Variants in MAF observed in about 807,000 individuals in gnomAD.
The protein encoded by MAF is transcription factor Maf.
Under a neutral mutation model 22.0 loss-of-function variants are expected in MAF, and 10 were observed. The observed-to-expected ratio is 0.45, with a 90% CI of 0.28 to 0.77. MAF has a LOEUF of 0.77. MAF is among the 30% of genes least tolerant of loss of function. MAF has a pLI of 0.12. For missense variants in MAF, 544 were observed against 548.4 expected (o/e 0.99, Z 0.08); for synonymous variants, 337 against 255.8 (o/e 1.32, Z -3.03).
chr16:79,435,379 T>TCA, the MAF span, among the ~76,000 whole-genome samples: 2 of 152,178 alleles, frequency 1.3e-5, no homozygotes, highest in Non-Finnish European at 2.9e-5. Flanking sequence ...TTCCTGGAAT[T>TCA]CAAGGCCAAA....
the MAF span, among the ~76,000 whole-genome samples, chr16:79,535,313 G>A: frequency 2.6e-5 from 4 of 151,634 alleles, no homozygotes; most frequent in Admixed American, 6.6e-5. Context: ...TTAACATGTA[G>A]CTTCCTTATT....
At chr16:79,364,646 T>C in the MAF span, among the ~76,000 whole-genome samples, 2 of 152,218 alleles carry the variant, frequency 1.3e-5, no homozygotes, top group Non-Finnish European at 2.9e-5. Context: ...AACAGTTTCG[T>C]GGTGTCAGTT....
the MAF span, among the ~76,000 whole-genome samples, chr16:79,361,296 T>G: frequency 6.6e-6 from 1 of 152,146 alleles, no homozygotes; most frequent in Non-Finnish European, 1.5e-5. Flanking sequence ...GAGAGCACTC[T>G]GAGTCCCTCC....
the MAF span, among the ~76,000 whole-genome samples, chr16:79,366,536 G>A: frequency 2.0e-5 from 3 of 152,200 alleles, no homozygotes; most frequent in African/African-American, 7.2e-5. Flanking sequence ...GACACATGAT[G>A]AGATAGTTCC....
the MAF span, among the ~76,000 whole-genome samples, chr16:79,215,474 T>C: frequency 1.2e-3 from 176 of 152,280 alleles, no homozygotes; most frequent in Middle Eastern, 6.8e-3. Context: ...AAAGAAGATA[T>C]TGGCGTATCA....
chr16:79,461,613 T>C, the MAF span, among the ~76,000 whole-genome samples: 1 of 152,146 alleles, frequency 6.6e-6, no homozygotes, highest in Non-Finnish European at 1.5e-5. Context: ...TATCTCCTGG[T>C]GATGTGCCTG....
At chr16:79,438,958 AGATT>A in the MAF span, among the ~76,000 whole-genome samples, 1 of 152,110 alleles carries the variant, frequency 6.6e-6, no homozygotes, top group Non-Finnish European at 1.5e-5. Context: ...AGACATCCTA[AGATT>A]AACAATTACA....
chr16:79,375,414 G>C, the MAF span, among the ~76,000 whole-genome samples: 3 of 152,178 alleles, frequency 2.0e-5, no homozygotes, highest in Non-Finnish European at 4.4e-5. Context: ...TCCCATAAGA[G>C]AGAGCAACTG....
the MAF span, among the ~76,000 whole-genome samples, chr16:79,390,854 AG>A: frequency 6.6e-6 from 1 of 152,188 alleles, no homozygotes; most frequent in Non-Finnish European, 1.5e-5. Flanking sequence ...CTGCTAGGAA[AG>A]GGTTTGCTCA....
the MAF span, among the ~76,000 whole-genome samples, chr16:79,291,047 G>A: frequency 6.1e-4 from 93 of 152,140 alleles, no homozygotes; most frequent in Admixed American, 1.8e-3. Context: ...AGTCAGGTCT[G>A]TGAAGAGACT....
At chr16:79,373,359 CTTTTTTTTTTTTTTTTTTTTTTTTT>C in the MAF span, among the ~76,000 whole-genome samples, 11 of 33,324 alleles carry the variant, frequency 3.3e-4, no homozygotes, top group South Asian at 5.1e-3. Flanking sequence ...GGACTGGTAG[CTTTTTTTTTTTTTTTTTTTTTTTTT>C]TTTTTTTTTT....
At chr16:79,317,075 TTG>T in the MAF span, among the ~76,000 whole-genome samples, 10 of 152,146 alleles carry the variant, frequency 6.6e-5, no homozygotes, top group Admixed American at 6.5e-4. Context: ...CCTGGATTTT[TTG>T]TTTCTCTCCC....
At chr16:79,265,405 TTC>T in the MAF span, among the ~76,000 whole-genome samples, 3 of 152,140 alleles carry the variant, frequency 2.0e-5, no homozygotes, top group African/African-American at 7.2e-5. Context: ...CTCCTCTCAC[TTC>T]TCTCTTTCGC....
chr16:79,509,293 C>T, the MAF span, among the ~76,000 whole-genome samples: 2 of 152,180 alleles, frequency 1.3e-5, no homozygotes, highest in South Asian at 2.1e-4. Context: ...TAACAAAGCC[C>T]TCTAGGCCCT....
the MAF span, among the ~76,000 whole-genome samples, chr16:79,498,917 G>A: frequency 6.6e-6 from 1 of 152,098 alleles, no homozygotes. Flanking sequence ...CTGACTCTTA[G>A]GAGAGTCTAG....
chr16:79,306,954 T>C, the MAF span, among the ~76,000 whole-genome samples: 16 of 152,354 alleles, frequency 1.1e-4, no homozygotes, highest in Admixed American at 9.8e-4. Flanking sequence ...GCTGGGAGCA[T>C]CATAAGCATA....
At chr16:79,286,540 G>T in the MAF span, among the ~76,000 whole-genome samples, 1 of 152,152 alleles carries the variant, frequency 6.6e-6, no homozygotes, top group Admixed American at 6.5e-5. Context: ...ATCCTTGCAT[G>T]CACACGTGTA....
At chr16:79,587,666 C>T (rs1013122157) in intron 1 of MAF, among the ~76,000 whole-genome samples, 1 of 152,090 alleles carries the variant, frequency 6.6e-6, no homozygotes, top group Non-Finnish European at 1.5e-5. Context: ...GCCCCCTTTG[C>T]CTTCCTGACC....
chr16:79,298,717 G>A, the MAF span, among the ~76,000 whole-genome samples: 88 of 152,378 alleles, frequency 5.8e-4, no homozygotes, highest in African/African-American at 2.0e-3. Context: ...TACAGGAAGC[G>A]GAAGGCCTTG....
Sources: allele counts gnomAD v4.1 joint callset (sites outside exome capture counted in the v4.1 genomes callset), GRCh38; gene constraint gnomAD v4.1.1; transcripts MANE v1.5; gene names NCBI Gene and HGNC (gene_info 2026-07-23, HGNC 2026-07-21).